Variants in B4GALNT3 observed in about 807,000 individuals in gnomAD.
B4GALNT3 encodes the protein beta-1,4-N-acetylgalactosaminyltransferase 3.
In B4GALNT3, 86 loss-of-function variants were observed where a neutral mutation model predicts 120.2. The observed-to-expected ratio is 0.72, with a 90% CI of 0.60 to 0.86. The LOEUF is 0.86. B4GALNT3 is among the 40% of genes least tolerant of loss of function. The probability of loss-of-function intolerance (pLI) is 0.00; values close to 1 mark genes in which losing one functional copy is unlikely to be tolerated. For missense variants in B4GALNT3, 1,167 were observed against 1,298.9 expected (o/e 0.90, Z 1.56); for synonymous variants, 518 against 510.4 (o/e 1.01, Z -0.20).
At chr12:512,158 GCCTTCCACCTTCCGCCTTCCGCCTTCCA>G (rs1565598485) in intron 1 of B4GALNT3, among the ~76,000 whole-genome samples, 6 of 23,184 alleles carry the variant, frequency 2.6e-4, no homozygotes, top group East Asian at 3.3e-3. Context: ...TCCGCCTTCC[GCCTTCCACCTTCCGCCTTCCGCCTTCCA>G]CCTTCCGCCT....
At position 552,957 on chromosome 12, in the gene B4GALNT3, C is replaced by T. The variant is rs887138326; in HGVS notation, c.1271-237C>T. The T allele has an allele frequency of 2.8e-5, 16 of 581,448 alleles. No individual in the cohort carries two copies. The Admixed American group carries it at 4.8e-4, about 17-fold the overall frequency. 36.0% of individuals were successfully genotyped at this position (581,448 alleles called of 1,614,324 possible). A position where few individuals can be genotyped will look rare whatever the true frequency, so the allele number is the denominator to read the frequency against. ...GGCATGTGATGCCGTTTATCTCACT[C>T]AGTCTTCACAAACCCATGAGAGATG... On this transcript the variant is annotated intron_variant, in intron 13 of 19. Coordinates refer to ENST00000266383, the MANE Select transcript of B4GALNT3 (RefSeq NM_173593.4).
intron 6 of B4GALNT3, among the ~76,000 whole-genome samples, chr12:546,310 G>T (rs914628780): frequency 2.6e-5 from 4 of 151,580 alleles, no homozygotes; most frequent in Admixed American, 1.3e-4. Context: ...GGAGGAGTGG[G>T]GAGCGAGTCT....
chr12:558,756 A>G lies in B4GALNT3; in HGVS notation c.2761+95A>G, dbSNP rs2607946. Reference sequence around the variant, plus strand: ...AACAGTCATATCTATGAGCGTCAGCATCCTCCTCCCCTGCCCCACCCTGCC... The same window carrying G: ...AACAGTCATATCTATGAGCGTCAGCGTCCTCCTCCCCTGCCCCACCCTGCC... On this transcript the variant is annotated intron_variant, in intron 18 of 19. Coordinates refer to ENST00000266383, the MANE Select transcript of B4GALNT3 (RefSeq NM_173593.4). 0.013 allele frequency: 17,199 copies of G among 1,341,138 alleles called. 1,755 individuals carry two copies. In the African/African-American group the frequency reaches 0.22, roughly 17 times the overall value. The allele number at this position is 1,341,138 out of a possible 1,614,324, so 83.1% of individuals were successfully genotyped here.
At chr12:500,865 CTTTTT>C (rs55927726) in intron 1 of B4GALNT3, among the ~76,000 whole-genome samples, 7 of 61,814 alleles carry the variant, frequency 1.1e-4, no homozygotes, top group Non-Finnish European at 1.6e-4. Context: ...GGCTCCACTG[CTTTTT>C]TTTTTTTTTT....
In B4GALNT3 at chr12:552,439, C is replaced by T. The variant is rs762864925; in HGVS notation, c.1209-28C>T. On this transcript the variant is annotated intron_variant, in intron 12 of 19. Transcript: ENST00000266383. ...GGCTGAGCCCGCCATGCACCGGGTG[C>T]CAATGCACACCTCCCTTCCTCCTGC... is the stretch of plus-strand genomic sequence containing the variant. 8 of 1,607,570 alleles carry T rather than the reference C, an allele frequency of 5.0e-6. No individual in the cohort carries two copies. In the African/African-American group the frequency reaches 1.1e-4, roughly 22 times the overall value.
At chr12:487,205 G>A (rs1946298048) in intron 1 of B4GALNT3, among the ~76,000 whole-genome samples, 1 of 151,970 alleles carries the variant, frequency 6.6e-6, no homozygotes, top group African/African-American at 2.4e-5. Flanking sequence ...AATTACAAAA[G>A]GTGAAATATA....
intron 1 of B4GALNT3, among the ~76,000 whole-genome samples, chr12:497,952 C>T (rs960648093): frequency 3.3e-5 from 5 of 152,158 alleles, no homozygotes; most frequent in African/African-American, 1.2e-4. Flanking sequence ...CTGGGTATGA[C>T]ACACACTCGA....
At chr12:462,619 C>T (rs1241865114) in intron 1 of B4GALNT3, among the ~76,000 whole-genome samples, 4 of 152,030 alleles carry the variant, frequency 2.6e-5, no homozygotes, top group South Asian at 2.1e-4. Flanking sequence ...TTTCCTTACT[C>T]ATGGTTTTTA....
chr12:497,986 C>T (rs1446376727), intron 1 of B4GALNT3, among the ~76,000 whole-genome samples: 1 of 152,108 alleles, frequency 6.6e-6, no homozygotes. Context: ...TCTGATGCCT[C>T]CCCACCCACA....
intron 5 of B4GALNT3, 109 bp downstream of exon 5, chr12:545,081 C>T: frequency 3.4e-6 from 5 of 1,481,626 alleles, no homozygotes; most frequent in Non-Finnish European, 4.5e-6. Flanking sequence ...TCCTGTTAGT[C>T]CACCCTCAGG....
intron 1 of B4GALNT3, among the ~76,000 whole-genome samples, chr12:529,512 A>G (rs1946787430): frequency 6.6e-6 from 1 of 152,232 alleles, no homozygotes; most frequent in Non-Finnish European, 1.5e-5. Flanking sequence ...GGCCGACGAT[A>G]CTACTCCCAG....
chr12:544,864 T>A lies in B4GALNT3; in HGVS notation c.448-18T>A. On this transcript the variant is annotated intron_variant, in intron 4 of 19. Coordinates refer to ENST00000266383, the MANE Select transcript of B4GALNT3 (RefSeq NM_173593.4). ...TCCCTCTTCTGGGTAACTGTTTCCT[T>A]CCCCTTTCTTGGCATAGATTCGCAC... 6.2e-7 allele frequency: 1 copy of A among 1,612,110 alleles called. No individual in the cohort carries two copies. The highest frequency in any genetic ancestry group is 8.5e-7 in the Non-Finnish European group (1 of 1,178,410).
At chr12:552,302 C>CACAA (rs1452096620) in intron 12 of B4GALNT3, 139 bp downstream of exon 12, 9 of 521,190 alleles carry the variant, frequency 1.7e-5, no homozygotes, top group Non-Finnish European at 2.7e-5. Context: ...TACACACACA[C>CACAA]ACACACACAC....
intron 1 of B4GALNT3, among the ~76,000 whole-genome samples, chr12:497,189 T>C (rs550623769): frequency 6.6e-6 from 1 of 152,266 alleles, no homozygotes; most frequent in South Asian, 2.1e-4. Flanking sequence ...GTTTCGCTCT[T>C]GTTGCCCAGG....
chr12:525,410 A>G (rs1175603698), intron 1 of B4GALNT3, among the ~76,000 whole-genome samples: 8 of 152,174 alleles, frequency 5.3e-5, no homozygotes, highest in Admixed American at 3.3e-4. Flanking sequence ...CGCTCGGCCA[A>G]TAACACAATT....
intron 1 of B4GALNT3, among the ~76,000 whole-genome samples, chr12:519,211 A>G (rs964536152): frequency 6.6e-6 from 1 of 152,224 alleles, no homozygotes; most frequent in African/African-American, 2.4e-5. Flanking sequence ...TGCCTACAAC[A>G]GGCTCTTTGA....
Position 515,626 on chromosome 12 carries a change from C to T in B4GALNT3, c.170-19540C>T, listed in dbSNP as rs542776027. ...CATCTCGTATTTATCGAATATTTAC[C>T]GTATGCCACTCTCATTTGATCCTCA... On this transcript the variant is annotated intron_variant, in intron 1 of 19. Transcript: ENST00000266383. Among the ~76,000 whole-genome samples, 9 of 152,078 alleles carry T rather than the reference C, an allele frequency of 5.9e-5. No homozygotes were observed. In the East Asian group the frequency reaches 1.2e-3, roughly 20 times the overall value.
At chr12:557,097 G>A (rs547058441) in intron 15 of B4GALNT3, among the ~76,000 whole-genome samples, 52 of 152,244 alleles carry the variant, frequency 3.4e-4, no homozygotes, top group Non-Finnish European at 6.0e-4. Context: ...TCTTTCTTTC[G>A]TACTAGGTTT....
At chr12:545,256 G>A (rs1282040101) in intron 5 of B4GALNT3, 113 bp from the exon 6 acceptor site, 2 of 1,479,610 alleles carry the variant, frequency 1.4e-6, no homozygotes, top group African/African-American at 1.4e-5. Flanking sequence ...AGAGAGGGAA[G>A]CCACAGCATC....
Sources: gnomAD v4.1 joint callset for allele counts (sites outside exome capture counted in the v4.1 genomes callset) on GRCh38, gnomAD v4.1.1 for gene constraint, MANE v1.5 for transcripts, NCBI Gene and HGNC (gene_info 2026-07-23, HGNC 2026-07-21) for gene names.